The following EXOC6 variants were observed in gnomAD, a reference collection of about 807,000 sequenced individuals.
EXOC6 encodes the protein exocyst complex component 6, also known as SEC15-like 1.
In EXOC6, 60 loss-of-function variants were observed where a neutral mutation model predicts 112.5. That is an observed-to-expected ratio of 0.53 (90% CI 0.43 to 0.66). The LOEUF is 0.66. EXOC6 is among the 30% of genes least tolerant of loss of function. The pLI is 0.00. For missense variants in EXOC6, 855 were observed against 957.1 expected (o/e 0.89, Z 1.41); for synonymous variants, 295 against 308.0 (o/e 0.96, Z 0.44).
rs531266815 is a variant in EXOC6, at chr10:92,965,994, G to A, written c.1774-8059G>A. Among the ~76,000 whole-genome samples, 11 of 152,060 alleles carry A rather than the reference G, an allele frequency of 7.2e-5. No homozygotes were observed. In the South Asian group the frequency reaches 1.2e-3, roughly 17 times the overall value. ...ATTTATTTGCTTCCTATTATAGCCC[G>A]TGGAAAGCATTAATAAACCTTAAAA... On this transcript the variant is annotated intron_variant, in intron 17 of 21. Coordinates refer to ENST00000260762, the MANE Select transcript of EXOC6 (RefSeq NM_019053.6).
At chr10:92,890,164 C>A (rs1849425934) in intron 1 of EXOC6, among the ~76,000 whole-genome samples, 2 of 151,940 alleles carry the variant, frequency 1.3e-5, no homozygotes, top group Admixed American at 6.6e-5. Flanking sequence ...TTGTAGTTTT[C>A]CTCCTGTAGA....
At chr10:92,964,699 A>T (rs1760362909) in intron 17 of EXOC6, among the ~76,000 whole-genome samples, 1 of 152,178 alleles carries the variant, frequency 6.6e-6, no homozygotes, top group African/African-American at 2.4e-5. Context: ...AGCAACTCAA[A>T]CTTTCTTAAA....
intron 19 of EXOC6, among the ~76,000 whole-genome samples, chr10:93,003,864 G>T (rs1464884847): frequency 6.6e-6 from 1 of 152,134 alleles, no homozygotes; most frequent in Admixed American, 6.5e-5. Context: ...CAAAAGCAGG[G>T]AAGGGCATTC....
chr10:93,051,753 G>A (rs2134376047), intron 20 of EXOC6, among the ~76,000 whole-genome samples: 1 of 152,276 alleles, frequency 6.6e-6, no homozygotes, highest in Non-Finnish European at 1.5e-5. Flanking sequence ...AATTACTCAG[G>A]ATTTGTTAGA....
chr10:92,836,090 T>A (rs1439789572), intron 1 of EXOC6, among the ~76,000 whole-genome samples: 1 of 152,144 alleles, frequency 6.6e-6, no homozygotes, highest in East Asian at 1.9e-4. Flanking sequence ...GGTGGCTAAG[T>A]CTAAGTGGAA....
intron 1 of EXOC6, among the ~76,000 whole-genome samples, chr10:92,872,878 A>G (rs1450166481): frequency 6.6e-6 from 1 of 152,090 alleles, no homozygotes; most frequent in Non-Finnish European, 1.5e-5. Context: ...TTAACTGTAG[A>G]TTAAGATTCC....
intron 17 of EXOC6, among the ~76,000 whole-genome samples, chr10:92,961,015 A>G (rs1853966473): frequency 6.6e-6 from 1 of 152,162 alleles, no homozygotes; most frequent in Admixed American, 6.5e-5. Flanking sequence ...ATGTTATGGT[A>G]TGGGTAAAAT....
intron 6 of EXOC6, among the ~76,000 whole-genome samples, chr10:92,911,824 T>G (rs902555480): frequency 1.6e-4 from 25 of 152,078 alleles, no homozygotes; most frequent in African/African-American, 5.8e-4. Flanking sequence ...GAGTTAGACT[T>G]CTCAAGATTT....
At chr10:92,904,412 C>G (rs1850334328) in intron 5 of EXOC6, among the ~76,000 whole-genome samples, 1 of 151,992 alleles carries the variant, frequency 6.6e-6, no homozygotes, top group Non-Finnish European at 1.5e-5. Flanking sequence ...TTTTGCACTC[C>G]CTCCAGAATG....
chr10:92,951,522 A>G (rs991890787), intron 14 of EXOC6, among the ~76,000 whole-genome samples: 27 of 152,198 alleles, frequency 1.8e-4, no homozygotes, highest in African/African-American at 5.8e-4. Context: ...GGATTGAACA[A>G]CTGTGAGATC....
chr10:93,030,903 T>TAAA (rs1291249271), intron 20 of EXOC6, among the ~76,000 whole-genome samples: 3 of 152,174 alleles, frequency 2.0e-5, no homozygotes, highest in Non-Finnish European at 2.9e-5. Context: ...CACCTCCCCT[T>TAAA]AAGGCAAACA....
At chr10:92,908,664 G>A (rs2133867810) in intron 5 of EXOC6, among the ~76,000 whole-genome samples, 1 of 152,212 alleles carries the variant, frequency 6.6e-6, no homozygotes, top group South Asian at 2.1e-4. Flanking sequence ...CTCATCTATA[G>A]AATGCTACTT....
chr10:92,879,258 G>A (rs951042493), intron 1 of EXOC6, among the ~76,000 whole-genome samples: 6 of 152,190 alleles, frequency 3.9e-5, no homozygotes, highest in African/African-American at 1.4e-4. Context: ...GAGACTGGAG[G>A]ACCCCTCAAG....
chr10:92,974,836 G>T (rs560706492), intron 18 of EXOC6, among the ~76,000 whole-genome samples: 2,030 of 152,304 alleles, frequency 0.013, 46 homozygotes, highest in African/African-American at 0.046. Context: ...CCGAGGTGCC[G>T]GGATTGCAGA....
At chr10:93,003,404 G>A (rs1843840826) in intron 19 of EXOC6, among the ~76,000 whole-genome samples, 1 of 152,162 alleles carries the variant, frequency 6.6e-6, no homozygotes, top group Admixed American at 6.5e-5. Context: ...AGAAGAATTA[G>A]CATTGACCCA....
At chr10:92,840,830 G>A (rs1473377334) in intron 1 of EXOC6, among the ~76,000 whole-genome samples, 1 of 151,694 alleles carries the variant, frequency 6.6e-6, no homozygotes, top group Non-Finnish European at 1.5e-5. Flanking sequence ...GCTAGTTTTT[G>A]TATTTTTTGT....
intron 19 of EXOC6, among the ~76,000 whole-genome samples, chr10:93,007,690 A>G (rs1031970370): frequency 6.6e-6 from 1 of 152,138 alleles, no homozygotes; most frequent in African/African-American, 2.4e-5. Context: ...TCGATTGCCA[A>G]TTTGGAAGAT....
intron 14 of EXOC6, among the ~76,000 whole-genome samples, chr10:92,948,590 C>CTAT (rs1428660062): frequency 6.7e-6 from 1 of 149,712 alleles, no homozygotes; most frequent in Non-Finnish European, 1.5e-5. Context: ...ACTACTACTA[C>CTAT]TACTACTACT....
intron 1 of EXOC6, among the ~76,000 whole-genome samples, chr10:92,890,488 GTCAAAAAC>G (rs769279709): frequency 5.9e-5 from 9 of 152,136 alleles, no homozygotes; most frequent in Admixed American, 1.3e-4. Flanking sequence ...GAACAAAACA[GTCAAAAAC>G]TATGTCCTCA....
Sources: gnomAD v4.1 joint callset for allele counts (sites outside exome capture counted in the v4.1 genomes callset) on GRCh38, gnomAD v4.1.1 for gene constraint, MANE v1.5 for transcripts, NCBI Gene and HGNC (gene_info 2026-07-23, HGNC 2026-07-21) for gene names.